Variants in PCDHAC1 observed in about 807,000 individuals in gnomAD.
PCDHAC1 encodes protocadherin alpha subfamily C, 1.
A neutral mutation model predicts 60.0 loss-of-function variants in PCDHAC1; 42 were observed. The ratio of observed to expected loss-of-function variants is 0.70; its 90% CI spans 0.55 to 0.90. The LOEUF is 0.90. Among genes scored for constraint, PCDHAC1 ranks in the 40% least tolerant of loss-of-function variants. PCDHAC1 has a pLI of 0.00. For synonymous variants in PCDHAC1, 468 were observed against 499.3 expected (o/e 0.94, Z 0.84); for missense variants, 1,160 against 1,222.3 (o/e 0.95, Z 0.76).
In PCDHAC1 at chr5:140,946,611, A is replaced by AATATATATATATAT. The variant is rs1554217734; in HGVS notation, c.2433+17294_2433+17307dup. Among the ~76,000 whole-genome samples the AATATATATATATAT allele has an allele frequency of 6.8e-3, 593 of 86,748 alleles. 22 individuals are homozygous for AATATATATATATAT. Among genetic ancestry groups the AATATATATATATAT allele is most frequent in the African/African-American group, 0.021 (323 of 15,664 alleles). The allele number at this position is 86,748 out of a possible 152,430, so 56.9% of individuals were successfully genotyped here. A position where few individuals can be genotyped will look rare whatever the true frequency, so the allele number is the denominator to read the frequency against. On this transcript the variant is annotated intron_variant, in intron 1 of 3. Coordinates refer to ENST00000253807, the MANE Select transcript of PCDHAC1 (RefSeq NM_018898.5). ...GGATGAATAGATAAAGAAAATGTGA[A>AATATATATATATAT]ATATATATATATATATATATACAAT... is the stretch of plus-strand genomic sequence containing the variant.
Position 140,928,760 on chromosome 5 carries a change from T to G in PCDHAC1, c.1868T>G (p.Leu623Ter), listed in dbSNP as rs782568767. 6 of 1,614,060 alleles carry G rather than the reference T, an allele frequency of 3.7e-6. No individual in the cohort carries two copies. Among genetic ancestry groups the G allele is most frequent in the Non-Finnish European group, 5.1e-6 (6 of 1,180,046 alleles). Reference sequence around the variant, plus strand: ...ATAGGTGAGCTCCGTACTGCTCGCTTAGTTCTTCCCACTGATGCAGTTAAG... The same window carrying G: ...ATAGGTGAGCTCCGTACTGCTCGCTGAGTTCTTCCCACTGATGCAGTTAAG... ...ANIGELRTAR[L>*]VLPTDAVKQR... The change falls in exon 1 of 4, where the codon TTA (leucine) becomes TGA (stop). Residue 623 changes from leucine to a stop codon, truncating the protein, a stop_gained. Coordinates refer to ENST00000253807, the MANE Select transcript of PCDHAC1 (RefSeq NM_018898.5). LOFTEE classifies it high-confidence loss of function.
rs2098416660 is a variant in PCDHAC1, at chr5:141,010,249, T to C, written c.*312T>C. ...GCCCCGCCAGTGAGAGGTTGGACTC[T>C]CTGCCCTGTGCTCCGGGGATCCTGT... On this transcript the variant is annotated 3_prime_UTR_variant, in exon 4 of 4. Coordinates refer to ENST00000253807, the MANE Select transcript of PCDHAC1 (RefSeq NM_018898.5). 2 of 1,551,772 alleles carry C rather than the reference T, an allele frequency of 1.3e-6. No homozygotes were observed. Among genetic ancestry groups the C allele is most frequent in the Non-Finnish European group, 1.7e-6 (2 of 1,147,036 alleles).
intron 1 of PCDHAC1, among the ~76,000 whole-genome samples, chr5:140,943,778 G>A (rs1554215923): frequency 6.6e-6 from 1 of 152,242 alleles, no homozygotes; most frequent in African/African-American, 2.4e-5. Flanking sequence ...AAACTAGGAA[G>A]TGGTCCTTTA....
intron 3 of PCDHAC1, among the ~76,000 whole-genome samples, chr5:141,003,429 A>G (rs782300910): frequency 6.6e-5 from 10 of 152,138 alleles, no homozygotes; most frequent in Non-Finnish European, 1.3e-4. Flanking sequence ...CTTATGCCTC[A>G]GCCTCCCAAG....
chr5:141,009,330 G>A (rs1355837607), intron 3 of PCDHAC1, among the ~76,000 whole-genome samples: 2 of 152,192 alleles, frequency 1.3e-5, no homozygotes, highest in African/African-American at 2.4e-5. Context: ...ATGGGAGCTT[G>A]TGCCTGTAGT....
At chr5:140,931,779 T>G (rs1298337220) in intron 1 of PCDHAC1, among the ~76,000 whole-genome samples, 1 of 152,006 alleles carries the variant, frequency 6.6e-6, no homozygotes, top group African/African-American at 2.4e-5. Context: ...CCTGTTCAAT[T>G]ACCTATTGAT....
At chr5:140,947,134 A>T in intron 1 of PCDHAC1, among the ~76,000 whole-genome samples, 1 of 151,648 alleles carries the variant, frequency 6.6e-6, no homozygotes, top group Admixed American at 6.6e-5. Context: ...AAAAATAGTA[A>T]AATGTATAGT....
At chr5:141,008,382 A>G (rs1458485740) in intron 3 of PCDHAC1, among the ~76,000 whole-genome samples, 1 of 152,166 alleles carries the variant, frequency 6.6e-6, no homozygotes, top group African/African-American at 2.4e-5. Flanking sequence ...ATACATAAAC[A>G]TTGCTATGAT....
intron 1 of PCDHAC1, among the ~76,000 whole-genome samples, chr5:140,949,796 C>G (rs1471707326): frequency 6.6e-6 from 1 of 151,864 alleles, no homozygotes; most frequent in Non-Finnish European, 1.5e-5. Context: ...TTGTGTCCTT[C>G]AATACATTAT....
At chr5:140,976,007 A>G (rs546477565) in intron 1 of PCDHAC1, among the ~76,000 whole-genome samples, 55 of 152,354 alleles carry the variant, frequency 3.6e-4, no homozygotes, top group African/African-American at 1.3e-3. Flanking sequence ...TAAGTATTAA[A>G]GAACTAAATA....
intron 1 of PCDHAC1, among the ~76,000 whole-genome samples, chr5:140,972,660 A>ATT (rs11350929): frequency 4.2e-4 from 49 of 117,232 alleles, no homozygotes; most frequent in Non-Finnish European, 5.7e-4. Context: ...AAGAAACCAA[A>ATT]TTTTTTTTTT....
intron 3 of PCDHAC1, among the ~76,000 whole-genome samples, chr5:140,985,173 G>A (rs939430246): frequency 1.3e-5 from 2 of 152,154 alleles, no homozygotes; most frequent in Admixed American, 6.5e-5. Flanking sequence ...TCCTGACCTC[G>A]TAATCCGCCT....
intron 1 of PCDHAC1, among the ~76,000 whole-genome samples, chr5:140,960,361 T>C (rs1262686301): frequency 2.6e-5 from 4 of 152,194 alleles, no homozygotes; most frequent in Non-Finnish European, 4.4e-5. Context: ...TGAAATAATA[T>C]GCCAACTCTT....
At chr5:141,007,395 C>CAAAA (rs35800918) in intron 3 of PCDHAC1, among the ~76,000 whole-genome samples, 7 of 94,852 alleles carry the variant, frequency 7.4e-5, no homozygotes, top group East Asian at 2.9e-4. Context: ...TACTAAAATA[C>CAAAA]AAAAAAAAAA....
chr5:140,975,358 A>T (rs1212652611), intron 1 of PCDHAC1, among the ~76,000 whole-genome samples: 1 of 152,258 alleles, frequency 6.6e-6, no homozygotes, highest in East Asian at 1.9e-4. Flanking sequence ...CAACTGTGCT[A>T]CATAGCATAA....
intron 3 of PCDHAC1, among the ~76,000 whole-genome samples, chr5:140,985,928 C>G (rs1001132600): frequency 9.9e-5 from 15 of 151,534 alleles, no homozygotes; most frequent in Non-Finnish European, 1.3e-4. Context: ...TTTAGTAGAG[C>G]CGGGGTTTCA....
At chr5:140,953,900 C>G (rs1040959969) in intron 1 of PCDHAC1, among the ~76,000 whole-genome samples, 4 of 152,126 alleles carry the variant, frequency 2.6e-5, no homozygotes, top group Non-Finnish European at 5.9e-5. Context: ...GTATTAAGCC[C>G]AGCATCCATT....
chr5:140,961,234 G>A (rs2095598781), intron 1 of PCDHAC1, among the ~76,000 whole-genome samples: 1 of 152,180 alleles, frequency 6.6e-6, no homozygotes, highest in South Asian at 2.1e-4. Context: ...CCAAAAAGGT[G>A]ATGGAATTTA....
At chr5:140,942,541 G>C (rs1241528363) in intron 1 of PCDHAC1, among the ~76,000 whole-genome samples, 1 of 152,056 alleles carries the variant, frequency 6.6e-6, no homozygotes, top group African/African-American at 2.4e-5. Context: ...CAGTATGGTG[G>C]GGGGTAGGGG....
Sources: allele counts gnomAD v4.1 joint callset (sites outside exome capture counted in the v4.1 genomes callset), GRCh38; gene constraint gnomAD v4.1.1; transcripts MANE v1.5; gene names NCBI Gene and HGNC (gene_info 2026-07-23, HGNC 2026-07-21).